The following SEPTIN14 variants were observed in gnomAD, a reference collection of about 807,000 sequenced individuals.
SEPTIN14 encodes septin 14.
In SEPTIN14, 40 loss-of-function variants were observed where a neutral mutation model predicts 53.6. That is an observed-to-expected ratio of 0.75 (90% CI 0.58 to 0.97). SEPTIN14 has a LOEUF of 0.97. SEPTIN14 is among the 50% of genes least tolerant of loss of function. SEPTIN14 has a pLI of 0.00. For synonymous variants in SEPTIN14, 138 were observed against 166.8 expected, an observed-to-expected ratio of 0.83 and a Z score of 1.33; for missense variants, 471 against 508.2, an observed-to-expected ratio of 0.93 and a Z score of 0.70.
intron 2 of SEPTIN14, among the ~76,000 whole-genome samples, chr7:55,855,512 A>C (rs1384040992): frequency 6.6e-6 from 1 of 152,170 alleles, no homozygotes; most frequent in Non-Finnish European, 1.5e-5. Flanking sequence ...ACAAGTAAAA[A>C]GTATGAGCCA....
intron 6 of SEPTIN14, among the ~76,000 whole-genome samples, chr7:55,827,971 G>A (rs1285673876): frequency 6.6e-6 from 1 of 151,654 alleles, no homozygotes; most frequent in African/African-American, 2.4e-5. Context: ...AAAATAAGAA[G>A]TGACAACTTT....
intron 5 of SEPTIN14, among the ~76,000 whole-genome samples, chr7:55,839,171 T>A (rs763979560): frequency 6.6e-6 from 1 of 152,018 alleles, no homozygotes. Flanking sequence ...GCGGATCACC[T>A]GAGGTTAGGA....
chr7:55,831,365 A>G (rs1365886673), intron 6 of SEPTIN14, among the ~76,000 whole-genome samples: 1 of 152,190 alleles, frequency 6.6e-6, no homozygotes, highest in African/African-American at 2.4e-5. Flanking sequence ...GCAAAAATAA[A>G]CAGTGGGGAA....
chr7:55,847,821 GA>G (rs1410195566), intron 2 of SEPTIN14, among the ~76,000 whole-genome samples: 1 of 151,630 alleles, frequency 6.6e-6, no homozygotes, highest in Non-Finnish European at 1.5e-5. Flanking sequence ...TAGAAAATTA[GA>G]AATCCATCAG....
intron 9 of SEPTIN14, among the ~76,000 whole-genome samples, chr7:55,803,092 C>A (rs1221930039): frequency 1.3e-5 from 2 of 152,038 alleles, no homozygotes; most frequent in Non-Finnish European, 2.9e-5. Context: ...CGTGTGCCAC[C>A]ACATCTGGCT....
intron 2 of SEPTIN14, among the ~76,000 whole-genome samples, chr7:55,848,294 T>G (rs958834782): frequency 6.6e-6 from 1 of 152,120 alleles, no homozygotes; most frequent in Admixed American, 6.6e-5. Context: ...CTAGAAAAGC[T>G]GGGACTACAT....
intron 6 of SEPTIN14, among the ~76,000 whole-genome samples, chr7:55,820,509 A>G (rs1788873397): frequency 6.6e-6 from 1 of 152,196 alleles, no homozygotes; most frequent in Non-Finnish European, 1.5e-5. Flanking sequence ...CACCTCAGAA[A>G]AAAAGCCTTA....
At position 55,834,406 on chromosome 7, in the gene SEPTIN14, A is replaced by T. The variant is rs1584264584; in HGVS notation, c.720+19T>A. ...CACTCATTTCTAGCCTCTTTGTCAG[A>T]TATGTTACTGAAACTTACACTAACT... On this transcript the variant is annotated intron_variant, in intron 6 of 9. Coordinates refer to ENST00000388975, the MANE Select transcript of SEPTIN14 (RefSeq NM_207366.3). 2 of 1,582,274 alleles carry T rather than the reference A, an allele frequency of 1.3e-6. No individual in the cohort carries two copies. Among genetic ancestry groups the T allele is most frequent in the Middle Eastern group, 2.1e-4 (1 of 4,798 alleles).
intron 6 of SEPTIN14, among the ~76,000 whole-genome samples, chr7:55,822,253 G>T (rs1395870347): frequency 6.6e-6 from 1 of 152,112 alleles, no homozygotes; most frequent in South Asian, 2.1e-4. Flanking sequence ...AAAAATCAGG[G>T]ACTATCTAAA....
At chr7:55,823,903 T>G (rs1255722789) in intron 6 of SEPTIN14, among the ~76,000 whole-genome samples, 3 of 151,166 alleles carry the variant, frequency 2.0e-5, no homozygotes, top group Non-Finnish European at 4.4e-5. Flanking sequence ...TTTTTTTTTT[T>G]TGAGAGAGAG....
intron 6 of SEPTIN14, among the ~76,000 whole-genome samples, chr7:55,820,649 T>G (rs949482399): frequency 2.6e-5 from 4 of 152,092 alleles, no homozygotes; most frequent in Admixed American, 6.6e-5. Flanking sequence ...TCAAAATGTA[T>G]CATCTTTCGG....
intron 9 of SEPTIN14, chr7:55,798,764 T>C: frequency 5.3e-6 from 1 of 188,876 alleles, no homozygotes; most frequent in Non-Finnish European, 1.1e-5. Flanking sequence ...GAGGCAGAAG[T>C]ACCATGACCT....
intron 5 of SEPTIN14, among the ~76,000 whole-genome samples, chr7:55,840,173 C>T (rs1470363108): frequency 2.7e-5 from 4 of 146,530 alleles, no homozygotes; most frequent in Non-Finnish European, 6.0e-5. Context: ...CCAACCTAAA[C>T]TGACTGGCAC....
chr7:55,849,430 A>T (rs148795865), intron 2 of SEPTIN14, among the ~76,000 whole-genome samples: 21 of 152,038 alleles, frequency 1.4e-4, no homozygotes, highest in Non-Finnish European at 2.6e-4. Flanking sequence ...AAGATTGATA[A>T]ACACCTAGCT....
intron 2 of SEPTIN14, among the ~76,000 whole-genome samples, chr7:55,847,240 A>C (rs1483594077): frequency 3.3e-5 from 5 of 152,094 alleles, no homozygotes; most frequent in Admixed American, 2.6e-4. Flanking sequence ...ATAGGGAATT[A>C]AGGAAATACT....
At chr7:55,799,391 A>C (rs1788486929) in intron 9 of SEPTIN14, among the ~76,000 whole-genome samples, 1 of 151,120 alleles carries the variant, frequency 6.6e-6, no homozygotes, top group Admixed American at 6.6e-5. Flanking sequence ...TGTAGTGGGC[A>C]CCTGTAGTCC....
chr7:55,816,639 A>G (rs1409911345), intron 7 of SEPTIN14, among the ~76,000 whole-genome samples: 1 of 151,408 alleles, frequency 6.6e-6, no homozygotes, highest in Non-Finnish European at 1.5e-5. Context: ...TCTACTAAAA[A>G]TACAAAAAAA....
Position 55,843,117 on chromosome 7 carries a change from A to G in SEPTIN14, c.383T>C (p.Ile128Thr). ...AAATTGGGCATCTATGTAGTCAACT[A>G]TTGGTTGGTAGCTAAAAAAAAATTT... Reference protein sequence around the residue: ...QIDKEASYQPIVDYIDAQFEA... With the variant: ...QIDKEASYQPTVDYIDAQFEA... Residue 128 changes from isoleucine (I) to threonine (T), a missense_variant, in exon 5 of 10, where the codon ATA becomes ACA. By Grantham distance (89) the Ile-to-Thr change is moderately conservative. Coordinates refer to ENST00000388975, the MANE Select transcript of SEPTIN14 (RefSeq NM_207366.3). 1 of 1,574,500 alleles carries G rather than the reference A, an allele frequency of 6.4e-7. No individual in the cohort carries two copies. Among genetic ancestry groups the G allele is most frequent in the Non-Finnish European group, 8.6e-7 (1 of 1,166,912 alleles).
At chr7:55,826,395 G>T (rs1788987705) in intron 6 of SEPTIN14, among the ~76,000 whole-genome samples, 1 of 152,174 alleles carries the variant, frequency 6.6e-6, no homozygotes, top group African/African-American at 2.4e-5. Flanking sequence ...ACTATCAATG[G>T]ATTTCTCAAA....
Sources: allele counts gnomAD v4.1 joint callset (sites outside exome capture counted in the v4.1 genomes callset), GRCh38; gene constraint gnomAD v4.1.1; transcripts MANE v1.5; gene names NCBI Gene and HGNC (gene_info 2026-07-23, HGNC 2026-07-21).